Variants in OSCAR observed in about 807,000 individuals in gnomAD.
OSCAR encodes osteoclast associated Ig-like receptor.
OSCAR carries 25 observed loss-of-function variants against 27.3 expected under a neutral mutation model. The ratio of observed to expected loss-of-function variants is 0.92; its 90% confidence interval spans 0.67 to 1.28. The LOEUF (loss-of-function observed/expected upper bound fraction) is 1.28. OSCAR is among the 50% of genes most tolerant of loss of function. The pLI, the probability that OSCAR is intolerant of heterozygous loss-of-function variation, is 0.00. For synonymous variants in OSCAR, 158 were observed against 165.7 expected (o/e 0.95, Z 0.36); for missense variants, 354 against 355.1 (o/e 1.00, Z 0.03).
In OSCAR at chr19:54,095,166, T is replaced by G. The variant is rs968896526; in HGVS notation, c.*55A>C. ...CAGGAAAGGACAGTCCAGCCCAGGG[T>G]CCCAGCTTCTCCGCCACTCAGGTTG... On this transcript the variant is annotated 3_prime_UTR_variant, in exon 5 of 5. Transcript: ENST00000358375. 4.8e-5 allele frequency: 76 copies of G among 1,577,454 alleles called. No homozygotes were observed. The highest frequency in any genetic ancestry group is 6.3e-5 in the Non-Finnish European group (73 of 1,161,478).
chr19:54,096,269 CCT>C (rs1466728849), intron 3 of OSCAR, 116 bp from the exon 4 acceptor site: 3 of 940,108 alleles, frequency 3.2e-6, no homozygotes, highest in African/African-American at 3.5e-5. Flanking sequence ...TCTCTTTCTG[CCT>C]CTCTTTCTCT....
At chr19:54,097,772 T>C (rs2072831397) in intron 2 of OSCAR, among the ~76,000 whole-genome samples, 1 of 145,498 alleles carries the variant, frequency 6.9e-6, no homozygotes, top group Non-Finnish European at 1.5e-5. Context: ...TTTTTTTTTT[T>C]TAATTTTTAG....
chr19:54,097,702 C>T (rs2072826437), intron 2 of OSCAR, among the ~76,000 whole-genome samples: 1 of 149,876 alleles, frequency 6.7e-6, no homozygotes, highest in East Asian at 2.0e-4. Flanking sequence ...TCAAACAGTC[C>T]TCCACCTCAG....
At position 54,095,106 on chromosome 19, in the gene OSCAR, T is replaced by C. The variant is rs750901184; in HGVS notation, c.*115A>G. On this transcript the variant is annotated 3_prime_UTR_variant, in exon 5 of 5. Transcript: ENST00000358375. ...AGGGCACAGCGGGGTCTAAGGACCGTTCCGCGGAGCTCAGCCAGCAGGACT... is the reference window on the plus strand; with the variant it reads ...AGGGCACAGCGGGGTCTAAGGACCGCTCCGCGGAGCTCAGCCAGCAGGACT... 3.4e-6 allele frequency: 5 copies of C among 1,460,662 alleles called. No individual in the cohort carries two copies. Among genetic ancestry groups the C allele is most frequent in the Non-Finnish European group, 4.6e-6 (5 of 1,098,144 alleles). The allele number at this position is 1,460,662 out of a possible 1,614,324, so 90.5% of individuals were successfully genotyped here.
chr19:54,099,666 G>A (rs1402634347), intron 2 of OSCAR, 82 bp downstream of exon 2: 2 of 1,613,652 alleles, frequency 1.2e-6, no homozygotes, highest in Non-Finnish European at 1.7e-6. Context: ...ATCTGGGATG[G>A]GATTGGGCAC....
intron 3 of OSCAR, among the ~76,000 whole-genome samples, 176 bp downstream of exon 3, chr19:54,096,682 CCTCT>C (rs762955346): frequency 0.093 from 13,403 of 143,634 alleles, 870 homozygotes; most frequent in Middle Eastern, 0.12. Context: ...CCGCACTGTA[CCTCT>C]CTCTCTCTCT....
At chr19:54,099,054 G>GT (rs199512754) in intron 2 of OSCAR, among the ~76,000 whole-genome samples, 6 of 59,504 alleles carry the variant, frequency 1.0e-4, no homozygotes, top group Non-Finnish European at 1.7e-4. Context: ...CTCCAAAAGA[G>GT]TTTTTTTTGT....
chr19:54,095,949 T>C lies in OSCAR; in HGVS notation c.578A>G (p.Tyr193Cys). Residue 193 changes from tyrosine to cysteine, a missense_variant, in exon 4 of 5, where the codon TAC (tyrosine) becomes TGC (cysteine). Physicochemically the swap from Tyr to Cys is radical, Grantham distance 194 (BLOSUM62 -2). Coordinates refer to ENST00000358375, the MANE Select transcript of OSCAR (RefSeq NM_133169.6). Reference protein sequence around the residue: ...TLLGARAPGTYSCYYHTPSAP... With the variant: ...TLLGARAPGTCSCYYHTPSAP... ...GGAGGGCGTGTGATAGTAGCAGCTG[T>C]AGGTGCCGGGGGCGCGGGCGCCCAG... is the stretch of plus-strand genomic sequence containing the variant. 1.9e-6 allele frequency: 3 copies of C among 1,590,370 alleles called. No individual in the cohort carries two copies. The highest frequency in any genetic ancestry group is 2.6e-6 in the Non-Finnish European group (3 of 1,168,980).
chr19:54,095,337 T>G lies in OSCAR; in HGVS notation c.676A>C (p.Thr226Pro), dbSNP rs1166795604. Residue 226 changes from threonine to proline, a missense_variant, in exon 5 of 5, where the codon ACC becomes CCC. Transcript: ENST00000358375. Reference sequence around the variant, plus strand: ...CCCAGGCGGACTAGGTTCCCCCGGGTGTAGTCGGAGGAGCCAGAGTCTGCG... The same window carrying G: ...CCCAGGCGGACTAGGTTCCCCCGGGGGTAGTCGGAGGAGCCAGAGTCTGCG... ...SWEDSGSSDY[T>P]RGNLVRLGLA... 1 of 1,569,064 alleles carries G rather than the reference T, an allele frequency of 6.4e-7. No individual in the cohort carries two copies. Among genetic ancestry groups the G allele is most frequent in the Non-Finnish European group, 8.6e-7 (1 of 1,157,316 alleles).
chr19:54,099,657 T>C (rs1600260555), intron 2 of OSCAR, 91 bp downstream of exon 2: 1 of 1,613,574 alleles, frequency 6.2e-7, no homozygotes, highest in East Asian at 2.2e-5. Context: ...AATAAGGATA[T>C]CTGGGATGGG....
intron 4 of OSCAR, 32 bp from the exon 5 acceptor site, chr19:54,095,389 A>G: frequency 6.5e-7 from 1 of 1,544,344 alleles, no homozygotes; most frequent in Non-Finnish European, 8.7e-7. Flanking sequence ...AGGGGCCATC[A>G]GCTCCCGGAC....
At chr19:54,098,051 TC>T (rs1276311987) in intron 2 of OSCAR, among the ~76,000 whole-genome samples, 1 of 152,176 alleles carries the variant, frequency 6.6e-6, no homozygotes, top group African/African-American at 2.4e-5. Flanking sequence ...ACCCTGTGTT[TC>T]TTTTTTTTTA....
Position 54,095,019 on chromosome 19 carries a change from C to G in OSCAR, c.*202G>C. On this transcript the variant is annotated 3_prime_UTR_variant, in exon 5 of 5. Transcript: ENST00000358375. ...CTGTCTTCTGGCTTGGAAGTCTTAA[C>G]CACTAATCGCGTCTTCCTTTCAGCT... is the stretch of plus-strand genomic sequence containing the variant. 1 of 824,330 alleles carries G rather than the reference C, an allele frequency of 1.2e-6. No individual in the cohort carries two copies. Among genetic ancestry groups the G allele is most frequent in the Non-Finnish European group, 1.7e-6 (1 of 576,544 alleles). 51.1% of individuals were successfully genotyped at this position (824,330 alleles called of 1,614,324 possible).
intron 2 of OSCAR, 91 bp from the exon 3 acceptor site, chr19:54,097,255 C>A: frequency 7.9e-7 from 1 of 1,272,618 alleles, no homozygotes; most frequent in Non-Finnish European, 1.1e-6. Context: ...TCACCTTGGA[C>A]AATTACTGCC....
chr19:54,095,353 A>G lies in OSCAR; in HGVS notation c.660T>C (p.Ser220=). ...TCCCCCGGGTGTAGTCGGAGGAGCC[A>G]GAGTCTGCGGGCGGAGCCGGGAGAG... The part of the protein sequence containing the change: ...SEVLVISWED[S]GSSDYTRGNL... The change falls in exon 5 of 5, where the codon TCT becomes TCC. Residue 220 remains serine (S), a synonymous_variant. Transcript: ENST00000358375. The G allele has an allele frequency of 1.3e-6, 2 of 1,560,472 alleles. No individual in the cohort carries two copies. The highest frequency in any genetic ancestry group is 2.4e-5 in the South Asian group (2 of 84,890).
In OSCAR at chr19:54,097,092, T is replaced by C. The variant is rs1309699923; in HGVS notation, c.143A>G (p.Asn48Ser). The C allele has an allele frequency of 1.2e-6, 2 of 1,614,056 alleles. No individual in the cohort carries two copies. Among genetic ancestry groups the C allele is most frequent in the African/African-American group, 2.7e-5 (2 of 74,926 alleles). Residue 48 changes from asparagine (N) to serine (S), a missense_variant, in exon 3 of 5, where the codon AAC (asparagine) becomes AGC (serine). Asn to Ser is a conservative substitution (Grantham distance 46, BLOSUM62 1). Transcript: ENST00000358375. The part of the protein sequence containing the change: ...QPATVVTPGV[N>S]VTLRCRAPQP... ...GGGTGCCCGGCATCTCAAGGTCACGTTGACCCCAGGGGTCACAACTGTAGC... is the reference window on the plus strand; with the variant it reads ...GGGTGCCCGGCATCTCAAGGTCACGCTGACCCCAGGGGTCACAACTGTAGC...
rs1341105385 is a variant in OSCAR, at chr19:54,095,998, G to A, written c.529C>T (p.Gln177Ter). 2 of 1,585,440 alleles carry A rather than the reference G, an allele frequency of 1.3e-6. No homozygotes were observed. Among genetic ancestry groups the A allele is most frequent in the Admixed American group, 3.6e-5 (2 of 55,492 alleles). The change falls in exon 4 of 5, where the codon CAG becomes TAG. Residue 177 changes from glutamine (Q) to a stop codon, truncating the protein, a stop_gained. Coordinates refer to ENST00000358375, the MANE Select transcript of OSCAR (RefSeq NM_133169.6). LOFTEE classifies it high-confidence loss of function. ...AAPLQYRHSA[Q>*]PWADFTLLGA... ...AGCAGCGTGAAGTCGGCCCAGGGCT[G>A]CGCGGAGTGGCGGTACTGCAGCGGG...
intron 4 of OSCAR, 91 bp downstream of exon 4, chr19:54,095,781 C>G (rs1376421317): frequency 2.6e-6 from 4 of 1,539,380 alleles, no homozygotes; most frequent in Non-Finnish European, 3.5e-6. Flanking sequence ...GGAGGAGAGG[C>G]TGGGGGCCTG....
chr19:54,096,919 C>G lies in OSCAR; in HGVS notation c.316G>C (p.Asp106His), dbSNP rs775954749. The G allele has an allele frequency of 2.5e-6, 4 of 1,614,072 alleles. No homozygotes were observed. In the Admixed American group the frequency reaches 5.0e-5, roughly 20 times the overall value. Residue 106 changes from aspartate to histidine, a missense_variant, in exon 3 of 5, where the codon GAC (aspartate) becomes CAC (histidine). Transcript: ENST00000358375. Reference protein sequence around the residue: ...GSYRCCYRRPDWGPGVWSQPS... With the variant: ...GSYRCCYRRPHWGPGVWSQPS... ...TGGGACCAGACACCCGGCCCCCAGT[C>G]TGGCCTTCGGTAGCAGCAGCGGTAA... is the stretch of plus-strand genomic sequence containing the variant.
Sources: gnomAD v4.1 joint callset for allele counts (sites outside exome capture counted in the v4.1 genomes callset) on GRCh38, gnomAD v4.1.1 for gene constraint, MANE v1.5 for transcripts, NCBI Gene and HGNC (gene_info 2026-07-23, HGNC 2026-07-21) for gene names.